The following LINGO2 variants were observed in gnomAD, a reference collection of about 807,000 sequenced individuals.
LINGO2 encodes leucine-rich repeat and immunoglobulin-like domain-containing nogo receptor-interacting protein 2.
Under a neutral mutation model 30.6 loss-of-function variants are expected in LINGO2, and 14 were observed. The ratio of observed to expected loss-of-function variants is 0.46; its 90% CI spans 0.30 to 0.72. The LOEUF is 0.72. Ranked by LOEUF, LINGO2 falls within the 30% of genes least tolerant of loss-of-function variation. The pLI, the probability that LINGO2 is intolerant of heterozygous loss-of-function variation, is 0.07. For missense variants in LINGO2, 729 were observed against 751.7 expected (o/e 0.97, Z 0.35); for synonymous variants, 317 against 288.5 (o/e 1.10, Z -1.00).
rs185574348 is a variant in LINGO2, at chr9:28,170,737, G to C, written c.-87+124471C>G. 7.8e-4 allele frequency among the ~76,000 whole-genome samples: 118 copies of C among 152,176 alleles called. No individual in the cohort carries two copies. In the East Asian group the frequency reaches 0.021, roughly 28 times the overall value. The stretch of plus-strand genomic sequence containing the variant: ...CTTCAAGAGGCTTCCTGTATTCCAC[G>C]GCTCAGGGCCCAGCACCACTCCAAA... On this transcript the variant is annotated intron_variant, in intron 4 of 5. Coordinates refer to ENST00000379992, the Ensembl canonical transcript of LINGO2.
chr9:27,943,016 C>T, the LINGO2 span: 2 of 152,112 alleles, frequency 1.3e-5, no homozygotes, highest in African/African-American at 4.8e-5. Context: ...CTCTTGTTAT[C>T]ACACAGATAT....
chr9:28,962,757 C>G, the LINGO2 span, among the ~76,000 whole-genome samples: 1 of 151,582 alleles, frequency 6.6e-6, no homozygotes, highest in Non-Finnish European at 1.5e-5. Flanking sequence ...TCTCATATAT[C>G]TATACATTTA....
chr9:28,891,696 A>G, the LINGO2 span, among the ~76,000 whole-genome samples: 3 of 151,942 alleles, frequency 2.0e-5, no homozygotes, highest in Non-Finnish European at 2.9e-5. Context: ...ATTCCTTAAC[A>G]TCTTTATAGC....
chr9:28,756,212 G>A, the LINGO2 span, among the ~76,000 whole-genome samples: 3 of 151,992 alleles, frequency 2.0e-5, 1 homozygote, highest in African/African-American at 7.3e-5. Context: ...TGGAGTGAAA[G>A]GAGATTATTT....
Position 28,309,025 on chromosome 9 carries a change from A to G in LINGO2, c.-245-13659T>C, listed in dbSNP as rs200060792. Among the ~76,000 whole-genome samples the G allele has an allele frequency of 0.017, 2,598 of 151,968 alleles. 130 individuals are homozygous for G. In the East Asian group the frequency reaches 0.18, roughly 11 times the overall value. ...CAACCATTGTGGAAGTCAGTGTGGCAATTCCTCAGGGATCTAGAACTAGAA... is the reference window on the plus strand; with the variant it reads ...CAACCATTGTGGAAGTCAGTGTGGCGATTCCTCAGGGATCTAGAACTAGAA... On this transcript the variant is annotated intron_variant, in intron 3 of 5. Transcript: ENST00000379992.
At chr9:28,084,312 A>G (rs751890416) in intron 4 of LINGO2, among the ~76,000 whole-genome samples, 1 of 152,124 alleles carries the variant, frequency 6.6e-6, no homozygotes, top group Non-Finnish European at 1.5e-5. Context: ...CTTGGTATCT[A>G]TTATGCACCT....
At chr9:28,832,957 G>T in the LINGO2 span, among the ~76,000 whole-genome samples, 1 of 133,500 alleles carries the variant, frequency 7.5e-6, no homozygotes, top group Non-Finnish European at 1.6e-5. Flanking sequence ...ATTAGTGGCT[G>T]ACGTAGTACA....
chr9:28,479,845 C>CTGCG (rs764459370), intron 1 of LINGO2, among the ~76,000 whole-genome samples: 12 of 60,146 alleles, frequency 2.0e-4, no homozygotes, highest in African/African-American at 5.8e-4. Flanking sequence ...ACCATGTCAT[C>CTGCG]TGTGTGTGTG....
chr9:28,609,592 T>A (rs887664927), intron 1 of LINGO2, among the ~76,000 whole-genome samples: 3 of 151,966 alleles, frequency 2.0e-5, no homozygotes, highest in Non-Finnish European at 4.4e-5. Flanking sequence ...AAAATATAGA[T>A]ATACACAATG....
downstream of LINGO2, among the ~76,000 whole-genome samples, chr9:27,944,980 A>G (rs754499516): frequency 1.6e-4 from 24 of 152,332 alleles, no homozygotes; most frequent in African/African-American, 3.8e-4. Context: ...AACATGGGTC[A>G]AGTGTCTGCC....
the LINGO2 span, among the ~76,000 whole-genome samples, chr9:28,972,666 G>T: frequency 6.6e-5 from 10 of 152,150 alleles, no homozygotes; most frequent in African/African-American, 2.4e-4. Flanking sequence ...CATATTGGGA[G>T]ACTCGGTAAT....
intron 1 of LINGO2, among the ~76,000 whole-genome samples, chr9:28,585,476 A>G (rs2135676472): frequency 6.6e-6 from 1 of 152,108 alleles, no homozygotes; most frequent in Admixed American, 6.6e-5. Context: ...TAATGGTGGG[A>G]AAGCTATGGG....
chr9:28,432,774 T>A, intron 2 of LINGO2, among the ~76,000 whole-genome samples: 1 of 152,286 alleles, frequency 6.6e-6, no homozygotes, highest in African/African-American at 2.4e-5. Context: ...AGGATTCTGA[T>A]GTTTGTATTT....
chr9:28,699,169 C>A, the LINGO2 span, among the ~76,000 whole-genome samples: 1 of 151,974 alleles, frequency 6.6e-6, no homozygotes, highest in African/African-American at 2.4e-5. Context: ...AATGTTAACT[C>A]TTAGTGTTAC....
Position 28,050,624 on chromosome 9 carries a change from A to C in LINGO2, c.-86-38219T>G, listed in dbSNP as rs138776924. Among the ~76,000 whole-genome samples the C allele has an allele frequency of 6.7e-4, 101 of 151,082 alleles. 5 individuals carry two copies. Among genetic ancestry groups the C allele is most frequent in the African/African-American group, 2.4e-3 (97 of 41,020 alleles). On this transcript the variant is annotated intron_variant, in intron 4 of 5. Transcript: ENST00000379992. ...TACTATGCTAATTAGAAACAATTGC[A>C]TATGAACCGAAATACCACCCTTCAT...
At chr9:29,028,285 T>C in the LINGO2 span, among the ~76,000 whole-genome samples, 2 of 152,132 alleles carry the variant, frequency 1.3e-5, no homozygotes, top group South Asian at 2.1e-4. Context: ...ATAAAATATA[T>C]AGAATATGTG....
intron 2 of LINGO2, among the ~76,000 whole-genome samples, chr9:28,383,324 A>T (rs1821434792): frequency 6.6e-6 from 1 of 151,060 alleles, no homozygotes; most frequent in South Asian, 2.1e-4. Context: ...CCTCTTGTAT[A>T]TCTGTATATA....
chr9:29,194,561 A>G, the LINGO2 span, among the ~76,000 whole-genome samples: 32 of 151,254 alleles, frequency 2.1e-4, no homozygotes, highest in African/African-American at 7.6e-4. Flanking sequence ...TTGATTTTTT[A>G]AAGTAAAGTT....
chr9:28,407,977 T>C (rs1202014805), intron 2 of LINGO2, among the ~76,000 whole-genome samples: 1 of 151,810 alleles, frequency 6.6e-6, no homozygotes, highest in Non-Finnish European at 1.5e-5. Flanking sequence ...AAGTAACTCA[T>C]GGAGTAGTAA....
Sources: gnomAD v4.1 joint callset for allele counts (sites outside exome capture counted in the v4.1 genomes callset) on GRCh38, gnomAD v4.1.1 for gene constraint, MANE v1.5 for transcripts, NCBI Gene and HGNC (gene_info 2026-07-23, HGNC 2026-07-21) for gene names.